CCDC91: variants seen among roughly 807,000 people sequenced by gnomAD.
The protein encoded by CCDC91 is coiled-coil domain-containing protein 91.
In CCDC91, 48 loss-of-function variants were observed where a neutral mutation model predicts 63.2. That is an observed-to-expected ratio of 0.76 (90% CI 0.60 to 0.97). CCDC91 has a LOEUF of 0.97. CCDC91 is among the 50% of genes least tolerant of loss of function. CCDC91 has a pLI of 0.00. For missense variants in CCDC91, 500 were observed against 494.6 expected, an observed-to-expected ratio of 1.01 and a Z score of -0.10; for synonymous variants, 167 against 165.8, an observed-to-expected ratio of 1.01 and a Z score of -0.06.
chr12:28,485,592 T>G (rs568874504), intron 12 of CCDC91, among the ~76,000 whole-genome samples: 1 of 152,260 alleles, frequency 6.6e-6, no homozygotes, highest in African/African-American at 2.4e-5. Flanking sequence ...TAAGTAGTCT[T>G]TCCAGATAAA....
chr12:28,513,668 CT>C (rs1445896287), intron 12 of CCDC91, among the ~76,000 whole-genome samples: 2 of 151,724 alleles, frequency 1.3e-5, no homozygotes, highest in African/African-American at 4.8e-5. Context: ...TAAACTGACC[CT>C]TAATTGTATC....
intron 1 of CCDC91, among the ~76,000 whole-genome samples, chr12:28,193,533 G>A (rs11049424): frequency 0.28 from 41,758 of 151,578 alleles, 5,959 homozygotes; most frequent in Non-Finnish European, 0.31. Context: ...CCAGGGAGTC[G>A]GAGGTTACAG....
At chr12:28,500,701 C>T (rs570433977) in intron 12 of CCDC91, among the ~76,000 whole-genome samples, 1 of 151,774 alleles carries the variant, frequency 6.6e-6, no homozygotes, top group South Asian at 2.1e-4. Context: ...ATTTCAAGAA[C>T]TATGTCTTAG....
chr12:28,544,055 A>T (rs1942815277), intron 12 of CCDC91, among the ~76,000 whole-genome samples: 1 of 122,434 alleles, frequency 8.2e-6, no homozygotes, highest in Admixed American at 8.4e-5. Context: ...TTTTCCACGT[A>T]ATAATTTGTA....
At chr12:28,469,636 C>T (rs1267269435) in intron 11 of CCDC91, among the ~76,000 whole-genome samples, 2 of 151,962 alleles carry the variant, frequency 1.3e-5, no homozygotes, top group African/African-American at 4.8e-5. Flanking sequence ...CAAAGCTATC[C>T]TAAGCAAAAA....
chr12:28,344,128 T>G (rs2138064633), intron 6 of CCDC91, among the ~76,000 whole-genome samples: 1 of 152,194 alleles, frequency 6.6e-6, no homozygotes, highest in South Asian at 2.1e-4. Context: ...TGGAGCATAC[T>G]TGTAATAAGA....
chr12:28,208,564 G>A (rs1487817193), intron 1 of CCDC91, among the ~76,000 whole-genome samples: 1 of 152,024 alleles, frequency 6.6e-6, no homozygotes. Context: ...CATTTTAAAG[G>A]TGAAATTTGA....
At chr12:28,399,183 A>G (rs1292397400) in intron 8 of CCDC91, among the ~76,000 whole-genome samples, 2 of 152,172 alleles carry the variant, frequency 1.3e-5, no homozygotes, top group African/African-American at 4.8e-5. Flanking sequence ...AAGAGGTTTA[A>G]TTGACTCACA....
At chr12:28,218,384 A>G (rs561399173) in intron 1 of CCDC91, among the ~76,000 whole-genome samples, 1 of 152,296 alleles carries the variant, frequency 6.6e-6, no homozygotes, top group East Asian at 1.9e-4. Context: ...TGTATATCAT[A>G]GTGATTTAAA....
chr12:28,253,061 CCTT>C (rs1946229532), intron 1 of CCDC91, among the ~76,000 whole-genome samples: 2 of 152,078 alleles, frequency 1.3e-5, no homozygotes, highest in African/African-American at 2.4e-5. Context: ...CTCTATAGTC[CCTT>C]CTTTTAACCT....
At chr12:28,275,156 C>T (rs1948109447) in intron 3 of CCDC91, among the ~76,000 whole-genome samples, 1 of 152,014 alleles carries the variant, frequency 6.6e-6, no homozygotes, top group South Asian at 2.1e-4. Context: ...ACAAAAAACC[C>T]TTCAAAAAAT....
At chr12:28,478,427 G>A (rs1275892601) in intron 11 of CCDC91, among the ~76,000 whole-genome samples, 1 of 152,138 alleles carries the variant, frequency 6.6e-6, no homozygotes, top group Non-Finnish European at 1.5e-5. Flanking sequence ...AGCTGAAACT[G>A]GATCCCTTCC....
intron 6 of CCDC91, among the ~76,000 whole-genome samples, chr12:28,360,450 C>T (rs1253262192): frequency 2.0e-5 from 3 of 152,052 alleles, no homozygotes; most frequent in African/African-American, 7.2e-5. Flanking sequence ...AGAGGCAGTG[C>T]CAGTTGCAGC....
At chr12:28,486,776 T>A (rs1480293681) in intron 12 of CCDC91, among the ~76,000 whole-genome samples, 2 of 152,184 alleles carry the variant, frequency 1.3e-5, no homozygotes, top group East Asian at 1.9e-4. Flanking sequence ...AGTAAATCAG[T>A]TACCACATGT....
intron 12 of CCDC91, among the ~76,000 whole-genome samples, chr12:28,518,622 T>G (rs1389324665): frequency 6.6e-6 from 1 of 152,098 alleles, no homozygotes; most frequent in African/African-American, 2.4e-5. Flanking sequence ...TTTTGCTGAC[T>G]GTTTCTTTTG....
intron 12 of CCDC91, among the ~76,000 whole-genome samples, chr12:28,513,032 G>A (rs1004063714): frequency 1.1e-4 from 16 of 151,760 alleles, no homozygotes; most frequent in African/African-American, 3.9e-4. Flanking sequence ...AATCTTCCAG[G>A]ACTCCCTCAA....
At chr12:28,382,863 T>A (rs1945376242) in intron 7 of CCDC91, among the ~76,000 whole-genome samples, 1 of 151,958 alleles carries the variant, frequency 6.6e-6, no homozygotes, top group South Asian at 2.1e-4. Flanking sequence ...TGGTCAGAAT[T>A]TTTTTTTCCC....
intron 3 of CCDC91, among the ~76,000 whole-genome samples, chr12:28,267,350 A>G (rs1947259210): frequency 6.6e-6 from 1 of 151,384 alleles, no homozygotes; most frequent in South Asian, 2.1e-4. Context: ...GATTTTCCAA[A>G]TTCATTTTAG....
intron 8 of CCDC91, among the ~76,000 whole-genome samples, chr12:28,398,118 C>T (rs1946399907): frequency 6.6e-6 from 1 of 152,112 alleles, no homozygotes; most frequent in Non-Finnish European, 1.5e-5. Context: ...TATCTATCAT[C>T]AACAATCAAG....
Sources: gnomAD v4.1 joint callset for allele counts (sites outside exome capture counted in the v4.1 genomes callset) on GRCh38, gnomAD v4.1.1 for gene constraint, MANE v1.5 for transcripts, NCBI Gene and HGNC (gene_info 2026-07-23, HGNC 2026-07-21) for gene names.